MYO3B: variants seen among roughly 807,000 people sequenced by gnomAD.
The protein encoded by MYO3B is myosin IIIB, also known as myosin-IIIb.
A neutral mutation model predicts 174.6 loss-of-function variants in MYO3B; 156 were observed. The ratio of observed to expected loss-of-function variants is 0.89; its 90% CI spans 0.78 to 1.02. The LOEUF (loss-of-function observed/expected upper bound fraction) is 1.02. MYO3B is among the 50% of genes least tolerant of loss of function. The pLI is 0.00. For synonymous variants in MYO3B, 563 were observed against 569.1 expected (o/e 0.99, Z 0.15); for missense variants, 1,632 against 1,639.4 (o/e 1.00, Z 0.08).
rs532614249 is a variant in MYO3B at position 170,308,040 on chromosome 2, G to A, written c.750-27345G>A. Among the ~76,000 whole-genome samples the A allele has an allele frequency of 2.0e-5, 3 of 152,232 alleles. No homozygotes were observed. In the South Asian group the frequency reaches 6.2e-4, roughly 32 times the overall value. ...ACTGAGAATGGGAAGTCCCATTCTT[G>A]TGTCCCCACATCTAGCCTGCTCTGG... On this transcript the variant is annotated intron_variant, in intron 7 of 34. Coordinates refer to ENST00000408978, the MANE Select transcript of MYO3B (RefSeq NM_138995.5).
intron 12 of MYO3B, among the ~76,000 whole-genome samples, chr2:170,385,037 C>A (rs2094363691): frequency 6.6e-6 from 1 of 152,008 alleles, no homozygotes; most frequent in Admixed American, 6.6e-5. Flanking sequence ...AAACACTTTA[C>A]TTACATTTAC....
chr2:170,329,259 G>GTGTGTGTGTATA (rs918829938), intron 7 of MYO3B, among the ~76,000 whole-genome samples: 1 of 149,148 alleles, frequency 6.7e-6, no homozygotes, highest in Non-Finnish European at 1.5e-5. Flanking sequence ...GTGTGTGTGT[G>GTGTGTGTGTATA]TATATATATA....
intron 6 of MYO3B, among the ~76,000 whole-genome samples, chr2:170,222,031 G>C (rs990352993): frequency 2.6e-4 from 40 of 152,302 alleles, no homozygotes; most frequent in African/African-American, 9.6e-4. Flanking sequence ...TAAGTTTCTC[G>C]TATAATAAGA....
intron 16 of MYO3B, among the ~76,000 whole-genome samples, chr2:170,396,791 G>A (rs2094444361): frequency 6.6e-6 from 1 of 152,170 alleles, no homozygotes; most frequent in African/African-American, 2.4e-5. Flanking sequence ...CTTATTTTGG[G>A]AGGTTTCAGA....
chr2:170,384,410 A>G (rs539969478), intron 12 of MYO3B, among the ~76,000 whole-genome samples: 28 of 152,138 alleles, frequency 1.8e-4, no homozygotes, highest in Admixed American at 1.3e-3. Context: ...TTTACTTTCA[A>G]TAGGTATATT....
intron 32 of MYO3B, among the ~76,000 whole-genome samples, chr2:170,587,499 C>T (rs892300668): frequency 6.6e-6 from 1 of 152,216 alleles, no homozygotes; most frequent in Non-Finnish European, 1.5e-5. Flanking sequence ...TATTGCTCAC[C>T]AGTCAGGTAC....
intron 32 of MYO3B, chr2:170,640,597 G>A (rs955246403): frequency 5.9e-5 from 9 of 152,180 alleles, no homozygotes; most frequent in African/African-American, 1.9e-4. Context: ...AATTTCTTAT[G>A]TAAAATAAAG....
chr2:170,302,663 A>C (rs769147408), intron 7 of MYO3B, among the ~76,000 whole-genome samples: 6 of 152,188 alleles, frequency 3.9e-5, no homozygotes, highest in Non-Finnish European at 8.8e-5. Context: ...GGGTGGGGGA[A>C]AAGATATCTG....
At chr2:170,426,571 A>C (rs1048644415) in intron 22 of MYO3B, among the ~76,000 whole-genome samples, 1 of 151,798 alleles carries the variant, frequency 6.6e-6, no homozygotes, top group African/African-American at 2.4e-5. Flanking sequence ...ATCTGTCTCT[A>C]GGTGGCAAGG....
At chr2:170,412,778 A>G (rs2094553981) in intron 22 of MYO3B, among the ~76,000 whole-genome samples, 1 of 152,200 alleles carries the variant, frequency 6.6e-6, no homozygotes, top group Admixed American at 6.5e-5. Context: ...CTAGCAGATG[A>G]GCTGAATCTA....
chr2:170,584,116 C>T (rs1473813878), intron 32 of MYO3B, among the ~76,000 whole-genome samples: 1 of 152,166 alleles, frequency 6.6e-6, no homozygotes, highest in East Asian at 1.9e-4. Flanking sequence ...ATGTGCATGC[C>T]ACCAGGCTTT....
At chr2:170,211,360 T>G (rs1180105397) in intron 3 of MYO3B, among the ~76,000 whole-genome samples, 2 of 152,212 alleles carry the variant, frequency 1.3e-5, no homozygotes, top group African/African-American at 4.8e-5. Flanking sequence ...AACTGAGCAC[T>G]CTCTAAGAAA....
intron 23 of MYO3B, among the ~76,000 whole-genome samples, 179 bp downstream of exon 23, chr2:170,444,225 C>T (rs1200437549): frequency 6.6e-6 from 1 of 152,172 alleles, no homozygotes; most frequent in African/African-American, 2.4e-5. Flanking sequence ...TCATGGAATC[C>T]TTACAATCCT....
intron 32 of MYO3B, among the ~76,000 whole-genome samples, chr2:170,581,635 T>C (rs1028600781): frequency 2.6e-5 from 4 of 152,132 alleles, no homozygotes; most frequent in Admixed American, 6.5e-5. Flanking sequence ...TTATATATGA[T>C]ATATGGGATG....
At chr2:170,364,884 T>C (rs891970327) in intron 8 of MYO3B, among the ~76,000 whole-genome samples, 11 of 152,226 alleles carry the variant, frequency 7.2e-5, no homozygotes, top group African/African-American at 2.7e-4. Flanking sequence ...TAACTGTTGT[T>C]AGGCATTCAA....
intron 8 of MYO3B, among the ~76,000 whole-genome samples, chr2:170,364,156 A>G (rs1053016492): frequency 3.3e-5 from 5 of 152,152 alleles, no homozygotes; most frequent in African/African-American, 1.2e-4. Flanking sequence ...TCTGGTGTCC[A>G]TTCTAAAATC....
At position 170,477,957 on chromosome 2, in the gene MYO3B, G is replaced by C. The variant is rs536715784; in HGVS notation, c.3014+11246G>C. Among the ~76,000 whole-genome samples, 3 of 152,234 alleles carry C rather than the reference G, an allele frequency of 2.0e-5. No homozygotes were observed. In the South Asian group the frequency reaches 6.2e-4, roughly 32 times the overall value. Reference sequence around the variant, plus strand: ...CTTTCATCCCTTTTGGCCGGCTTTAGTGTGTGGGTTGGCTTATAGTGTCAC... The same window carrying C: ...CTTTCATCCCTTTTGGCCGGCTTTACTGTGTGGGTTGGCTTATAGTGTCAC... On this transcript the variant is annotated intron_variant, in intron 25 of 34. Coordinates refer to ENST00000408978, the MANE Select transcript of MYO3B (RefSeq NM_138995.5).
At chr2:170,414,903 T>C (rs540982679) in intron 22 of MYO3B, among the ~76,000 whole-genome samples, 94 of 152,352 alleles carry the variant, frequency 6.2e-4, no homozygotes, top group Non-Finnish European at 1.1e-3. Flanking sequence ...CAGATGACTT[T>C]TGTGTACTGA....
intron 30 of MYO3B, among the ~76,000 whole-genome samples, chr2:170,534,767 C>G (rs1367856410): frequency 6.6e-6 from 1 of 152,188 alleles, no homozygotes; most frequent in Non-Finnish European, 1.5e-5. Flanking sequence ...TATCTAACAA[C>G]TCTAGTTCAA....
Sources: allele counts gnomAD v4.1 joint callset (sites outside exome capture counted in the v4.1 genomes callset), GRCh38; gene constraint gnomAD v4.1.1; transcripts MANE v1.5; gene names NCBI Gene and HGNC (gene_info 2026-07-23, HGNC 2026-07-21).